Variants in CAMK1D observed in about 807,000 individuals in gnomAD.
The protein encoded by CAMK1D is calcium/calmodulin-dependent protein kinase type 1D.
In CAMK1D, 9 loss-of-function variants were observed where a neutral mutation model predicts 47.7. The ratio of observed to expected loss-of-function variants is 0.19; its 90% CI spans 0.11 to 0.33. The LOEUF (loss-of-function observed/expected upper bound fraction) is 0.33. CAMK1D is among the 10% of genes least tolerant of loss of function. The pLI is 1.00. For missense variants in CAMK1D, 291 were observed against 488.7 expected (o/e 0.60, Z 3.81); for synonymous variants, 184 against 184.9 (o/e 0.99, Z 0.04).
rs6143785 is a variant in CAMK1D, at chr10:12,830,965, A to ACACACACACACACACACACACACACAC, written c.*2078_*2079insCACACACACACACACACACACACACAC. 2.6e-5 allele frequency: 3 copies of ACACACACACACACACACACACACACAC among 117,636 alleles called. No individual in the cohort carries two copies. Among genetic ancestry groups the ACACACACACACACACACACACACACAC allele is most frequent in the Admixed American group, 8.4e-5 (1 of 11,948 alleles). The allele number at this position is 117,636 out of a possible 1,614,324, so 7.3% of individuals were successfully genotyped here. ...CACACACACACACACACACACACAC[A>ACACACACACACACACACACACACACAC]ATGTTATTAGGCACAGCAGCTCCAT... On this transcript the variant is annotated 3_prime_UTR_variant, in exon 11 of 11. Coordinates refer to ENST00000619168, the MANE Select transcript of CAMK1D (RefSeq NM_153498.4).
At chr10:12,758,486 C>T (rs1188258436) in intron 3 of CAMK1D, among the ~76,000 whole-genome samples, 1 of 152,022 alleles carries the variant, frequency 6.6e-6, no homozygotes, top group Non-Finnish European at 1.5e-5. Context: ...AAAATAGAGC[C>T]CTGGTGCAGT....
intron 6 of CAMK1D, among the ~76,000 whole-genome samples, chr10:12,809,129 A>AATT (rs397783645): frequency 5.0e-4 from 76 of 151,896 alleles, no homozygotes; most frequent in African/African-American, 1.7e-3. Context: ...AAAAAAAAAA[A>AATT]TCCATACAGA....
At chr10:12,466,155 A>T (rs1407553547) in intron 1 of CAMK1D, among the ~76,000 whole-genome samples, 1 of 151,992 alleles carries the variant, frequency 6.6e-6, no homozygotes, top group Admixed American at 6.6e-5. Flanking sequence ...CCGTCTCGAA[A>T]AAAAATTTTA....
At chr10:12,611,549 C>T (rs1417980844) in intron 2 of CAMK1D, among the ~76,000 whole-genome samples, 1 of 148,300 alleles carries the variant, frequency 6.7e-6, no homozygotes, top group Non-Finnish European at 1.5e-5. Flanking sequence ...TGAAACCTGT[C>T]CTCTCTGTAC....
chr10:12,482,901 G>A (rs949950823), intron 1 of CAMK1D, among the ~76,000 whole-genome samples: 13 of 152,210 alleles, frequency 8.5e-5, no homozygotes, highest in African/African-American at 2.9e-4. Context: ...TGCCGCTGCC[G>A]CTGTGGTTCA....
chr10:12,509,147 A>G, intron 1 of CAMK1D, among the ~76,000 whole-genome samples: 1 of 152,124 alleles, frequency 6.6e-6, no homozygotes, highest in East Asian at 1.9e-4. Flanking sequence ...TCCTCTGGAT[A>G]ATTGCACGAC....
intron 1 of CAMK1D, among the ~76,000 whole-genome samples, chr10:12,472,319 C>G (rs1564360314): frequency 6.6e-6 from 1 of 152,024 alleles, no homozygotes; most frequent in Non-Finnish European, 1.5e-5. Context: ...GGTCCATGTC[C>G]CATATTCTGC....
At chr10:12,629,873 A>T (rs1839327042) in intron 2 of CAMK1D, among the ~76,000 whole-genome samples, 1 of 152,192 alleles carries the variant, frequency 6.6e-6, no homozygotes, top group Non-Finnish European at 1.5e-5. Flanking sequence ...ATGTCTGTTG[A>T]TGCCTCCCAG....
At chr10:12,569,554 C>CA (rs561300490) in intron 2 of CAMK1D, among the ~76,000 whole-genome samples, 81,538 of 135,660 alleles carry the variant, frequency 0.6, 23,831 homozygotes, top group Middle Eastern at 0.66. Context: ...ACTAAAAATA[C>CA]AAAAAAAAAA....
rs1030810766 is a variant in CAMK1D at position 12,468,221 on chromosome 10, A to AT, written c.93-84996dup. ...CAGGTGCTTAACACTACATCCAGCTATTTTTTTTATATTTTCTGTAAAGAC... is the reference window on the plus strand; with the variant it reads ...CAGGTGCTTAACACTACATCCAGCTATTTTTTTTTATATTTTCTGTAAAGAC... On this transcript the variant is annotated intron_variant, in intron 1 of 10. Coordinates refer to ENST00000619168, the MANE Select transcript of CAMK1D (RefSeq NM_153498.4). Among the ~76,000 whole-genome samples, 7 of 151,644 alleles carry AT rather than the reference A, an allele frequency of 4.6e-5. No homozygotes were observed. In the South Asian group the frequency reaches 1.0e-3, roughly 23 times the overall value.
intron 1 of CAMK1D, among the ~76,000 whole-genome samples, chr10:12,463,991 T>A (rs1588514102): frequency 6.6e-6 from 1 of 152,172 alleles, no homozygotes; most frequent in Non-Finnish European, 1.5e-5. Context: ...ACCATGATTG[T>A]AAGTTTCCCG....
At chr10:12,596,736 T>C (rs1838156457) in intron 2 of CAMK1D, among the ~76,000 whole-genome samples, 1 of 152,110 alleles carries the variant, frequency 6.6e-6, no homozygotes, top group Non-Finnish European at 1.5e-5. Context: ...GAATTTAAAC[T>C]GGTAGGTTCC....
At chr10:12,779,334 A>C (rs1299843233) in intron 5 of CAMK1D, among the ~76,000 whole-genome samples, 2 of 152,354 alleles carry the variant, frequency 1.3e-5, no homozygotes, top group East Asian at 3.9e-4. Context: ...GAATCACTGA[A>C]CATCAGTAGG....
At chr10:12,707,908 A>G (rs1306981533) in intron 3 of CAMK1D, among the ~76,000 whole-genome samples, 1 of 152,194 alleles carries the variant, frequency 6.6e-6, no homozygotes, top group Non-Finnish European at 1.5e-5. Context: ...GGATTTAAAT[A>G]TGCTTAGCAC....
rs553812482 is a variant in CAMK1D at position 12,612,398 on chromosome 10, G to T, written c.225-54338G>T. 5.6e-4 allele frequency among the ~76,000 whole-genome samples: 82 copies of T among 145,318 alleles called. 1 individual carries two copies. The South Asian group carries it at 0.017, about 30-fold the overall frequency. On this transcript the variant is annotated intron_variant, in intron 2 of 10. Transcript: ENST00000619168. ...TATCTCTTGCCCAGGCTGGAGTGCA[G>T]TGGCACGATCATAACTCACTGCATC...
At chr10:12,432,095 A>G (rs1284429464) in intron 1 of CAMK1D, among the ~76,000 whole-genome samples, 1 of 152,222 alleles carries the variant, frequency 6.6e-6, no homozygotes, top group East Asian at 1.9e-4. Context: ...TCCAGATTCC[A>G]AGGGCTGTCT....
intron 3 of CAMK1D, among the ~76,000 whole-genome samples, chr10:12,749,308 A>G (rs1313663813): frequency 6.6e-6 from 1 of 152,092 alleles, no homozygotes; most frequent in African/African-American, 2.4e-5. Context: ...AGTGCATACT[A>G]TTAATACCAA....
rs142837333 is a variant in CAMK1D at position 12,639,848 on chromosome 10, T to A, written c.225-26888T>A. Among the ~76,000 whole-genome samples the A allele has an allele frequency of 9.4e-3, 1,435 of 152,022 alleles. 25 individuals carry two copies. Among genetic ancestry groups the A allele is most frequent in the African/African-American group, 0.032 (1,332 of 41,418 alleles). ...TGACTAAGTGGATATATATATATATTTTTTGTTTGTTTGTTTGGGAATTCT... is the reference window on the plus strand; with the variant it reads ...TGACTAAGTGGATATATATATATATATTTTGTTTGTTTGTTTGGGAATTCT... On this transcript the variant is annotated intron_variant, in intron 2 of 10. Coordinates refer to ENST00000619168, the MANE Select transcript of CAMK1D (RefSeq NM_153498.4).
chr10:12,387,399 T>TATATATTATATATATAATATATATA (rs1564306946), intron 1 of CAMK1D, among the ~76,000 whole-genome samples: 20 of 65,388 alleles, frequency 3.1e-4, no homozygotes, highest in South Asian at 1.4e-3. Context: ...ATTATATATT[T>TATATATTATATATATAATATATATA]TTATATATTA....
Sources: allele counts gnomAD v4.1 joint callset (sites outside exome capture counted in the v4.1 genomes callset), GRCh38; gene constraint gnomAD v4.1.1; transcripts MANE v1.5; gene names NCBI Gene and HGNC (gene_info 2026-07-23, HGNC 2026-07-21).